LOC128706665: variants seen among roughly 807,000 people sequenced by gnomAD.
the LOC128706665 span, among the ~76,000 whole-genome samples, chr20:10,429,432 C>T: frequency 0.48 from 72,765 of 152,002 alleles, 18,289 homozygotes; most frequent in Non-Finnish European, 0.56. Context: ...TGCATCCACT[C>T]TGGCTCTCAC....
chr20:10,429,846 C>T, the LOC128706665 span, among the ~76,000 whole-genome samples: 124,571 of 152,136 alleles, frequency 0.82, 51,671 homozygotes, highest in African/African-American at 0.93. Flanking sequence ...TGGGAATTTA[C>T]TAGAAATGCA....
At chr20:10,431,152 C>T in the LOC128706665 span, among the ~76,000 whole-genome samples, 1 of 152,034 alleles carries the variant, frequency 6.6e-6, no homozygotes, top group East Asian at 1.9e-4. Flanking sequence ...TTATCTTATA[C>T]GAATCATATA....
the LOC128706665 span, among the ~76,000 whole-genome samples, chr20:10,414,764 T>C: frequency 6.6e-6 from 1 of 152,280 alleles, no homozygotes; most frequent in East Asian, 1.9e-4. Flanking sequence ...CACTAATGTA[T>C]AGTCTATATT....
the LOC128706665 span, among the ~76,000 whole-genome samples, chr20:10,428,472 G>A: frequency 2.0e-5 from 3 of 152,196 alleles, no homozygotes; most frequent in African/African-American, 7.2e-5. Context: ...CTATTGGCCA[G>A]AGGACATTAT....
At chr20:10,422,335 C>T in the LOC128706665 span, among the ~76,000 whole-genome samples, 4 of 152,028 alleles carry the variant, frequency 2.6e-5, no homozygotes, top group Non-Finnish European at 5.9e-5. Flanking sequence ...TTTTTGTAAC[C>T]TTTAGAGAAT....
chr20:10,427,029 G>GACACACACACAC, the LOC128706665 span, among the ~76,000 whole-genome samples: 2,222 of 130,674 alleles, frequency 0.017, 45 homozygotes, highest in Middle Eastern at 0.03. Flanking sequence ...AGAAAACACT[G>GACACACACACAC]ACACACACAC....
the LOC128706665 span, among the ~76,000 whole-genome samples, chr20:10,426,627 G>A: frequency 1.3e-5 from 2 of 152,132 alleles, no homozygotes; most frequent in Admixed American, 1.3e-4. Flanking sequence ...TCAACTCCTG[G>A]CCTCAAGTGA....
At chr20:10,429,532 T>C in the LOC128706665 span, among the ~76,000 whole-genome samples, 2 of 152,080 alleles carry the variant, frequency 1.3e-5, no homozygotes, top group Non-Finnish European at 2.9e-5. Flanking sequence ...ATTCATCTCA[T>C]ATAAAAATAA....
At chr20:10,424,582 C>CAA in the LOC128706665 span, among the ~76,000 whole-genome samples, 104 of 142,242 alleles carry the variant, frequency 7.3e-4, 1 homozygote, top group African/African-American at 2.6e-3. Context: ...GCTAGTTTTA[C>CAA]AAAAAAAAAA....
At chr20:10,415,933 C>T in the LOC128706665 span, among the ~76,000 whole-genome samples, 1 of 152,002 alleles carries the variant, frequency 6.6e-6, no homozygotes, top group Non-Finnish European at 1.5e-5. Context: ...AACTTGTTGA[C>T]CTGTGGTCAC....
At chr20:10,424,846 G>A in the LOC128706665 span, among the ~76,000 whole-genome samples, 1 of 152,126 alleles carries the variant, frequency 6.6e-6, no homozygotes, top group Non-Finnish European at 1.5e-5. Context: ...GAGGTCAGGA[G>A]TTTGAGACCA....
the LOC128706665 span, among the ~76,000 whole-genome samples, chr20:10,431,483 G>A: frequency 2.0e-4 from 30 of 152,042 alleles, no homozygotes; most frequent in South Asian, 5.8e-3. Context: ...AGAAGATAAT[G>A]GGACAATCTT....
chr20:10,426,820 C>A, the LOC128706665 span, among the ~76,000 whole-genome samples: 1 of 152,082 alleles, frequency 6.6e-6, no homozygotes, highest in Non-Finnish European at 1.5e-5. Context: ...AATTAGAGGG[C>A]AAAAGAGTCT....
chr20:10,425,364 A>G, the LOC128706665 span, among the ~76,000 whole-genome samples: 2 of 152,260 alleles, frequency 1.3e-5, no homozygotes, highest in Non-Finnish European at 2.9e-5. Context: ...AAAATATGCT[A>G]TGGCAATAAA....
chr20:10,432,074 C>G, the LOC128706665 span, among the ~76,000 whole-genome samples: 1 of 152,220 alleles, frequency 6.6e-6, no homozygotes, highest in Admixed American at 6.5e-5. Flanking sequence ...CTGCCAGCCT[C>G]CGTCCATGAT....
At chr20:10,415,023 A>G in the LOC128706665 span, among the ~76,000 whole-genome samples, 3 of 152,216 alleles carry the variant, frequency 2.0e-5, no homozygotes, top group African/African-American at 4.8e-5. Context: ...CAAAGTCTAA[A>G]TACCATAAAA....
the LOC128706665 span, among the ~76,000 whole-genome samples, chr20:10,419,369 TATAATC>T: frequency 6.6e-6 from 1 of 152,090 alleles, no homozygotes; most frequent in African/African-American, 2.4e-5. Flanking sequence ...ACATAATCAA[TATAATC>T]ATAATATAGT....
At chr20:10,433,937 C>G in the LOC128706665 span, among the ~76,000 whole-genome samples, 1 of 152,230 alleles carries the variant, frequency 6.6e-6, no homozygotes, top group Admixed American at 6.5e-5. Flanking sequence ...AGAGGTCGGT[C>G]TTTCGCCTCC....
chr20:10,429,738 G>A, the LOC128706665 span, among the ~76,000 whole-genome samples: 1 of 152,000 alleles, frequency 6.6e-6, no homozygotes, highest in Non-Finnish European at 1.5e-5. Flanking sequence ...TCCTCCCTAG[G>A]GTCACAGTCC....
Sources: allele counts gnomAD v4.1 joint callset (sites outside exome capture counted in the v4.1 genomes callset), GRCh38; gene constraint gnomAD v4.1.1; transcripts MANE v1.5.